Variants in TUB observed in about 807,000 individuals in gnomAD.
TUB encodes the protein tubby protein homolog.
TUB carries 33 observed loss-of-function variants against 59.7 expected under a neutral mutation model. The observed-to-expected ratio is 0.55, with a 90% CI of 0.42 to 0.74. TUB has a LOEUF of 0.74. Ranked by LOEUF, TUB falls within the 30% of genes least tolerant of loss-of-function variation. TUB has a pLI of 0.00. For missense variants in TUB, 659 were observed against 672.0 expected (o/e 0.98, Z 0.21); for synonymous variants, 293 against 256.4 (o/e 1.14, Z -1.36).
intron 2 of TUB, among the ~76,000 whole-genome samples, chr11:8,065,388 G>C (rs370460087): frequency 2.6e-5 from 4 of 152,206 alleles, no homozygotes; most frequent in African/African-American, 9.7e-5. Flanking sequence ...GAGTGACACA[G>C]AGTTAAGAAG....
chr11:8,093,575 C>T (rs1485283849), intron 3 of TUB, among the ~76,000 whole-genome samples: 1 of 152,182 alleles, frequency 6.6e-6, no homozygotes, highest in Non-Finnish European at 1.5e-5. Flanking sequence ...AGCACTCCTA[C>T]ACCCCAGCCT....
intron 2 of TUB, among the ~76,000 whole-genome samples, chr11:8,052,886 TAATA>T (rs1482008826): frequency 2.0e-5 from 3 of 152,256 alleles, no homozygotes; most frequent in African/African-American, 4.8e-5. Flanking sequence ...TTATTAATTC[TAATA>T]GTTTTTCAGT....
intron 5 of TUB, 54 bp downstream of exon 5, chr11:8,095,719 G>C (rs1943962445): frequency 6.5e-6 from 10 of 1,528,692 alleles, no homozygotes; most frequent in Non-Finnish European, 8.8e-6. Flanking sequence ...CAGGTTCTCA[G>C]ATGCACCTTT....
chr11:8,079,034 C>A (rs1030971061), upstream of TUB, among the ~76,000 whole-genome samples: 17 of 152,296 alleles, frequency 1.1e-4, no homozygotes, highest in African/African-American at 3.6e-4. Context: ...CTTACTTCTG[C>A]ACCTCACTCT....
At chr11:8,020,790 C>T (rs1167012835) in intron 1 of TUB, among the ~76,000 whole-genome samples, 1 of 152,146 alleles carries the variant, frequency 6.6e-6, no homozygotes, top group Non-Finnish European at 1.5e-5. Flanking sequence ...GAGTATTAAA[C>T]TTAAAATAAC....
rs2133832163 is a variant in TUB at position 8,089,615 on chromosome 11, T to C, written c.44T>C (p.Leu15Ser). 1 of 1,614,160 alleles carries C rather than the reference T, an allele frequency of 6.2e-7. No homozygotes were observed. Among genetic ancestry groups the C allele is most frequent in the Non-Finnish European group, 8.5e-7 (1 of 1,180,008 alleles). ...PHSDWIPYSV[L>S]DDEGRNLRQQ... is the part of the protein sequence containing the mutation. ...ACCCCTCTTTCGCTCTGCAGTGTCT[T>C]AGATGATGAGGGCAGAAACCTGAGG... Residue 15 changes from leucine (L) to serine (S), a missense_variant, in exon 2 of 12, where the codon TTA (leucine) becomes TCA (serine). By Grantham distance (145) the Leu-to-Ser change is moderately radical. This residue lies in a region of TUB where 321 missense variants were observed against 304.3 expected (regional missense o/e 1.05). Coordinates refer to ENST00000299506, the MANE Select transcript of TUB (RefSeq NM_177972.3).
At chr11:8,037,937 G>A (rs998536096), upstream of TUB, among the ~76,000 whole-genome samples, 3 of 152,198 alleles carry the variant, frequency 2.0e-5, no homozygotes, top group African/African-American at 7.2e-5. Flanking sequence ...GCAACAGACA[G>A]GAAGGCCCTA....
At chr11:8,029,328 A>T (rs1942538727) in intron 1 of TUB, among the ~76,000 whole-genome samples, 1 of 151,508 alleles carries the variant, frequency 6.6e-6, no homozygotes, top group Admixed American at 6.6e-5. Context: ...ACTTAACAAA[A>T]TATGTGCTTC....
At chr11:8,089,324 C>G (rs1183279104) in intron 1 of TUB, among the ~76,000 whole-genome samples, 1 of 152,158 alleles carries the variant, frequency 6.6e-6, no homozygotes, top group Non-Finnish European at 1.5e-5. Context: ...AGGCCCGGCC[C>G]TGCTCAGGGA....
rs371256163 is a variant in TUB, at chr11:8,095,631, C to T, written c.531C>T (p.Ser177=). Residue 177 remains serine (S), a synonymous_variant, in exon 5 of 12, where the codon AGC becomes AGT. Coordinates refer to ENST00000299506, the MANE Select transcript of TUB (RefSeq NM_177972.3). ...ETAAGGGERP[S]GQDLRATMQR... ...CAGCTGGTGGGGGCGAACGGCCCAG[C>T]GGGCAGGATCTCCGTGCCACGATGC... The T allele has an allele frequency of 1.3e-5, 21 of 1,608,326 alleles. No individual in the cohort carries two copies. The highest frequency in any genetic ancestry group is 5.3e-5 in the African/African-American group (4 of 74,892).
In TUB at chr11:8,049,435, G is replaced by A. The variant is rs371619150; in HGVS notation, c.203+9743G>A. ...ATCTCCAGGTGATTCTGATGTCCAG[G>A]CAGATTTGAGAACCACTGGCCGAGG... On this transcript the variant is annotated intron_variant, in intron 2 of 12. Transcript: ENST00000305253. 6.6e-5 allele frequency among the ~76,000 whole-genome samples: 10 copies of A among 152,170 alleles called. No individual in the cohort carries two copies. The East Asian group carries it at 1.7e-3, about 26-fold the overall frequency.
intron 1 of TUB, among the ~76,000 whole-genome samples, chr11:8,033,143 G>T (rs928479092): frequency 6.6e-6 from 1 of 152,128 alleles, no homozygotes; most frequent in Admixed American, 6.5e-5. Context: ...TCGCCTGCCC[G>T]CTTCCCTGTC....
At chr11:8,073,887 TAGGTAAAGAGC>T (rs67277837) in intron 2 of TUB, among the ~76,000 whole-genome samples, 53,118 of 129,616 alleles carry the variant, frequency 0.41, 10,649 homozygotes, top group Middle Eastern at 0.6. Context: ...TGCCTCAGAA[TAGGTAAAGAGC>T]AGGTAAAGAG....
upstream of TUB, among the ~76,000 whole-genome samples, chr11:8,034,508 C>G (rs574202474): frequency 3.9e-5 from 6 of 152,130 alleles, no homozygotes; most frequent in African/African-American, 1.4e-4. Context: ...CATGCAGGTG[C>G]GATTTCCCTG....
At chr11:8,022,938 A>AAAC (rs1046597912) in intron 1 of TUB, among the ~76,000 whole-genome samples, 2 of 152,144 alleles carry the variant, frequency 1.3e-5, no homozygotes, top group African/African-American at 2.4e-5. Context: ...AACAAAAACA[A>AAAC]AACAACAACA....
chr11:8,062,951 G>A (rs555634536), intron 2 of TUB, among the ~76,000 whole-genome samples: 2 of 152,276 alleles, frequency 1.3e-5, no homozygotes, highest in African/African-American at 2.4e-5. Context: ...CATACTCTTC[G>A]GTAACCTTTT....
chr11:8,081,443 G>A lies in TUB; in HGVS notation c.-68G>A. 1 of 1,334,260 alleles carries A rather than the reference G, an allele frequency of 7.5e-7. No individual in the cohort carries two copies. The highest frequency in any genetic ancestry group is 9.6e-7 in the Non-Finnish European group (1 of 1,043,452). The allele number at this position is 1,334,260 out of a possible 1,614,324, so 82.7% of individuals were successfully genotyped here. A position where few individuals can be genotyped will look rare whatever the true frequency, so the allele number is the denominator to read the frequency against. ...CCGGGGCGGCCCGGGAGCTGAGCAG[G>A]GCCCCCGCGCCGGCCCCTCCGGGCC... On this transcript the variant is annotated 5_prime_UTR_variant, in exon 1 of 12. Transcript: ENST00000299506.
intron 1 of TUB, among the ~76,000 whole-genome samples, chr11:8,032,037 G>A (rs1310759948): frequency 6.6e-6 from 1 of 152,318 alleles, no homozygotes; most frequent in African/African-American, 2.4e-5. Flanking sequence ...GACAGAGAGA[G>A]ACCCCCTGGG....
chr11:8,039,602 G>A (rs1179872347), intron 1 of TUB: 1 of 1,434,458 alleles, frequency 7.0e-7, no homozygotes, highest in South Asian at 1.6e-5. Flanking sequence ...GATGAGGTGA[G>A]GCTGCAAGGA....
Sources: allele counts gnomAD v4.1 joint callset (sites outside exome capture counted in the v4.1 genomes callset), GRCh38; gene constraint gnomAD v4.1.1; regional missense constraint gnomAD v4.1.1; transcripts MANE v1.5; gene names NCBI Gene and HGNC (gene_info 2026-07-23, HGNC 2026-07-21).